JAK2: variants seen among roughly 807,000 people sequenced by gnomAD.
JAK2 encodes tyrosine-protein kinase JAK2.
JAK2 carries 86 observed loss-of-function variants against 139.3 expected under a neutral mutation model. That is an observed-to-expected ratio of 0.62 (90% CI 0.52 to 0.74). The LOEUF is 0.74. JAK2 is among the 30% of genes least tolerant of loss of function. The pLI is 0.00. For synonymous variants in JAK2, 490 were observed against 437.7 expected (o/e 1.12, Z -1.49); for missense variants, 1,421 against 1,360.3 (o/e 1.04, Z -0.70).
At chr9:5,116,177 T>C (rs1172534874) in intron 22 of JAK2, among the ~76,000 whole-genome samples, 1 of 152,208 alleles carries the variant, frequency 6.6e-6, no homozygotes, top group Non-Finnish European at 1.5e-5. Context: ...GATTATTATC[T>C]CTATTTTAAG....
intron 22 of JAK2, among the ~76,000 whole-genome samples, chr9:5,115,484 A>G (rs1291035823): frequency 1.3e-5 from 2 of 152,218 alleles, no homozygotes; most frequent in African/African-American, 4.8e-5. Context: ...TAGTTCAACC[A>G]TTGTGGAAGA....
chr9:5,023,870 T>A, intron 3 of JAK2, among the ~76,000 whole-genome samples: 1 of 150,134 alleles, frequency 6.7e-6, no homozygotes, highest in South Asian at 2.1e-4. Flanking sequence ...TCCTTTAGCT[T>A]ATAGTAAGAT....
intron 4 of JAK2, among the ~76,000 whole-genome samples, chr9:5,040,173 T>G (rs995871922): frequency 5.9e-5 from 9 of 152,308 alleles, no homozygotes; most frequent in East Asian, 3.9e-4. Flanking sequence ...GATTGATTTT[T>G]GATCAGGGTG....
intron 2 of JAK2, among the ~76,000 whole-genome samples, chr9:4,991,594 TA>T (rs1426117114): frequency 6.6e-6 from 1 of 152,130 alleles, no homozygotes; most frequent in East Asian, 1.9e-4. Flanking sequence ...CTAGAAAATT[TA>T]AAAAGGTGGG....
At chr9:5,065,810 A>G (rs16922581) in intron 9 of JAK2, among the ~76,000 whole-genome samples, 1,751 of 152,304 alleles carry the variant, frequency 0.011, 13 homozygotes, top group Non-Finnish European at 0.019. Context: ...ATCTGGGATC[A>G]TGAGCATATT....
intron 2 of JAK2, among the ~76,000 whole-genome samples, chr9:5,015,227 A>G (rs1218870571): frequency 6.6e-6 from 1 of 152,188 alleles, no homozygotes; most frequent in Non-Finnish European, 1.5e-5. Context: ...CTGAGGCGCA[A>G]TGAATATTCT....
chr9:5,122,423 C>A (rs572037928), intron 22 of JAK2, among the ~76,000 whole-genome samples: 6 of 152,004 alleles, frequency 3.9e-5, no homozygotes, highest in African/African-American at 1.4e-4. Flanking sequence ...CAATTTTTTT[C>A]TCCAGCATAT....
intron 22 of JAK2, among the ~76,000 whole-genome samples, chr9:5,103,700 A>G (rs950468001): frequency 6.6e-6 from 1 of 152,224 alleles, no homozygotes; most frequent in Non-Finnish European, 1.5e-5. Context: ...AAAAGAACAG[A>G]TATCACAACA....
chr9:5,036,933 G>A (rs1032528175), intron 4 of JAK2, among the ~76,000 whole-genome samples: 4 of 152,166 alleles, frequency 2.6e-5, no homozygotes, highest in Admixed American at 6.5e-5. Context: ...GCAACCTACA[G>A]AATGGGAGAA....
intron 6 of JAK2, among the ~76,000 whole-genome samples, chr9:5,053,278 G>A (rs1817549153): frequency 1.3e-5 from 2 of 152,040 alleles, no homozygotes; most frequent in African/African-American, 4.8e-5. Context: ...GCCTTCTGTA[G>A]AGAAGTGTCT....
chr9:5,073,289 G>A (rs10283730), intron 13 of JAK2, among the ~76,000 whole-genome samples: 35,370 of 152,146 alleles, frequency 0.23, 4,455 homozygotes, highest in South Asian at 0.3. Context: ...CACAGATGTC[G>A]TGATATTTTA....
At position 5,128,861 on chromosome 9, in the gene JAK2, C is replaced by T. The variant is rs755278378; in HGVS notation, c.*2070C>T. ...CCAGTTAATGCCAAAATATTTTTCA[C>T]GTTAATATTCTTCAGAAACAAGGGT... On this transcript the variant is annotated 3_prime_UTR_variant, in exon 25 of 25. Transcript: ENST00000381652. Among the ~76,000 whole-genome samples, 14 of 151,884 alleles carry T rather than the reference C, an allele frequency of 9.2e-5. No individual in the cohort carries two copies. Among genetic ancestry groups the T allele is most frequent in the South Asian group, 2.1e-4 (1 of 4,826 alleles).
intron 9 of JAK2, 24 bp downstream of exon 9, chr9:5,065,064 A>G (rs1818473454): frequency 4.1e-6 from 6 of 1,454,020 alleles, no homozygotes; most frequent in Admixed American, 2.3e-5. Context: ...ACTTAAAAGT[A>G]AATTTTTAGA....
At chr9:5,047,191 T>C (rs1049666258) in intron 5 of JAK2, among the ~76,000 whole-genome samples, 1 of 152,214 alleles carries the variant, frequency 6.6e-6, no homozygotes, top group Non-Finnish European at 1.5e-5. Context: ...TGTACTGTTA[T>C]CATTTTATAT....
At position 5,054,324 on chromosome 9, in the gene JAK2, A is replaced by G. The variant is rs1817613681; in HGVS notation, c.615-239A>G. Among the ~76,000 whole-genome samples the G allele has an allele frequency of 6.6e-6, 1 of 152,054 alleles. No homozygotes were observed. The highest frequency in any genetic ancestry group is 2.4e-5 in the African/African-American group (1 of 41,442). The stretch of plus-strand genomic sequence containing the variant: ...ATTTCATTAGGGGAAGAAGATTAAC[A>G]TCTTCTTTTGTAAACATTGATGATA... On this transcript the variant is annotated intron_variant, in intron 6 of 24. Transcript: ENST00000381652. The surrounding 1 kb of genome is among the most constrained non-coding windows in gnomAD (Gnocchi z 4.9).
intron 22 of JAK2, chr9:5,094,663 T>C (rs548094049): frequency 6.6e-6 from 1 of 152,294 alleles, no homozygotes; most frequent in African/African-American, 2.4e-5. Flanking sequence ...CGAGCCCCTT[T>C]TGACTTAACA....
rs747796453 is a variant in JAK2 at position 5,069,095 on chromosome 9, C to T, written c.1400C>T (p.Thr467Ile). Residue 467 changes from threonine to isoleucine, a missense_variant, in exon 11 of 25, where the codon ACA (threonine) becomes ATA (isoleucine). Coordinates refer to ENST00000381652, the MANE Select transcript of JAK2 (RefSeq NM_004972.4). The part of the protein sequence containing the change: ...NENEEYNLSG[T>I]KKNFSSLKDL... ...AATGAAGAGTACAACCTCAGTGGGA[C>T]AAAGAAGAACTTCAGCAGTCTTAAA... 6.2e-7 allele frequency: 1 copy of T among 1,610,686 alleles called. No individual in the cohort carries two copies. Among genetic ancestry groups the T allele is most frequent in the South Asian group, 1.1e-5 (1 of 90,940 alleles).
At chr9:5,110,933 T>A in intron 22 of JAK2, 1 of 579,414 alleles carries the variant, frequency 1.7e-6, no homozygotes. Flanking sequence ...CCGCAGAGGA[T>A]GGCATCCGTG....
intron 22 of JAK2, among the ~76,000 whole-genome samples, chr9:5,118,163 A>G (rs1823349245): frequency 6.6e-6 from 1 of 151,960 alleles, no homozygotes; most frequent in African/African-American, 2.4e-5. Flanking sequence ...TCCATCTCAA[A>G]CAAACAAATA....
Sources: gnomAD v4.1 joint callset for allele counts (sites outside exome capture counted in the v4.1 genomes callset) on GRCh38, gnomAD v4.1.1 for gene constraint, Gnocchi (gnomAD v3.1) non-coding constraint, MANE v1.5 for transcripts, NCBI Gene and HGNC (gene_info 2026-07-23, HGNC 2026-07-21) for gene names.